Variants in DOCK1 observed in about 807,000 individuals in gnomAD.
The protein encoded by DOCK1 is dedicator of cytokinesis protein 1.
A neutral mutation model predicts 262.7 loss-of-function variants in DOCK1; 138 were observed. The ratio of observed to expected loss-of-function variants is 0.53; its 90% CI spans 0.46 to 0.61. The LOEUF (loss-of-function observed/expected upper bound fraction) is 0.61, where lower values mean the gene tolerates loss of function less well. DOCK1 is among the 20% of genes least tolerant of loss of function. The pLI, the probability that DOCK1 is intolerant of heterozygous loss-of-function variation, is 0.00. For missense variants in DOCK1, 1,908 were observed against 2,370.7 expected (o/e 0.80, Z 4.05); for synonymous variants, 866 against 867.4 (o/e 1.00, Z 0.03).
Position 127,288,882 on chromosome 10 carries a change from C to T in DOCK1, c.3044+31453C>T, listed in dbSNP as rs533111486. Reference sequence around the variant, plus strand: ...TTCTCCTTAGGATATATCCTGCAGACATACACAATCAAGTCATGTTTCTCA... The same window carrying T: ...TTCTCCTTAGGATATATCCTGCAGATATACACAATCAAGTCATGTTTCTCA... On this transcript the variant is annotated intron_variant, in intron 29 of 51. Transcript: ENST00000623213. Among the ~76,000 whole-genome samples, 158 of 151,970 alleles carry T rather than the reference C, an allele frequency of 1.0e-3. 1 individual carries two copies. Among genetic ancestry groups the T allele is most frequent in the African/African-American group, 3.6e-3 (151 of 41,478 alleles).
At chr10:127,384,295 C>T (rs534391825) in intron 37 of DOCK1, among the ~76,000 whole-genome samples, 1 of 152,342 alleles carries the variant, frequency 6.6e-6, no homozygotes, top group East Asian at 1.9e-4. Flanking sequence ...ACTCTGTGCC[C>T]AGCACCTTGC....
chr10:127,428,405 GATTGGGGTGCCGTGTGA>G (rs1376897080), intron 47 of DOCK1, among the ~76,000 whole-genome samples: 7 of 151,898 alleles, frequency 4.6e-5, no homozygotes, highest in Non-Finnish European at 7.4e-5. Flanking sequence ...GTGCTGTGTG[GATTGGGGTGCCGTGTGA>G]ATTGGGGTGC....
chr10:127,008,195 C>A (rs577344325), intron 10 of DOCK1, among the ~76,000 whole-genome samples: 1 of 152,102 alleles, frequency 6.6e-6, no homozygotes, highest in South Asian at 2.1e-4. Flanking sequence ...CCTCCTGGGC[C>A]CAAGCAAGTC....
chr10:127,152,938 T>C (rs1293349894), intron 27 of DOCK1, among the ~76,000 whole-genome samples: 1 of 152,202 alleles, frequency 6.6e-6, no homozygotes, highest in East Asian at 1.9e-4. Context: ...AGGCTTTCCC[T>C]TGGGAGAGAA....
intron 13 of DOCK1, among the ~76,000 whole-genome samples, chr10:127,021,704 G>C (rs1334116890): frequency 4.6e-5 from 7 of 152,160 alleles, no homozygotes; most frequent in African/African-American, 1.7e-4. Context: ...GGCGGCAGCC[G>C]CGCCTCCTTC....
chr10:127,012,434 G>A lies in DOCK1; in HGVS notation c.1201+60G>A. ...TATTTGCATGCGTTGGGGCAGTGCT[G>A]TCTGGGTTGGTTTTAGTTTGATGTT... On this transcript the variant is annotated intron_variant, in intron 12 of 51. Coordinates refer to ENST00000623213, the MANE Select transcript of DOCK1 (RefSeq NM_001290223.2). This position sits in a 1 kb window ranked among gnomAD's most constrained non-coding sequence, Gnocchi z 4.0. The A allele has an allele frequency of 2.0e-6, 3 of 1,527,960 alleles. No individual in the cohort carries two copies. The highest frequency in any genetic ancestry group is 2.7e-6 in the Non-Finnish European group (3 of 1,108,290). 94.7% of individuals were successfully genotyped at this position (1,527,960 alleles called of 1,614,324 possible).
chr10:127,315,630 C>T (rs1292921965), intron 29 of DOCK1, among the ~76,000 whole-genome samples: 5 of 152,312 alleles, frequency 3.3e-5, no homozygotes, highest in East Asian at 3.9e-4. Context: ...CGAACTAATA[C>T]GGAGTCCTAT....
At chr10:127,284,756 T>C (rs1324235018) in intron 29 of DOCK1, among the ~76,000 whole-genome samples, 1 of 151,696 alleles carries the variant, frequency 6.6e-6, no homozygotes, top group East Asian at 2.0e-4. Flanking sequence ...TGTCTCTAAA[T>C]AACAGTAATC....
At chr10:127,415,315 C>T (rs1351507892) in intron 44 of DOCK1, 77 bp downstream of exon 44, 8 of 1,441,624 alleles carry the variant, frequency 5.5e-6, no homozygotes, top group Non-Finnish European at 6.7e-6. Context: ...TTCACCTGCT[C>T]ATGCCCCGTG....
intron 29 of DOCK1, among the ~76,000 whole-genome samples, chr10:127,260,721 ATGTGTGTG>A (rs2060003105): frequency 1.0e-5 from 1 of 98,774 alleles, no homozygotes. Context: ...GTGTCCTTGC[ATGTGTGTG>A]CGTGTGGGTG....
At chr10:126,980,343 C>T (rs943634913) in intron 3 of DOCK1, among the ~76,000 whole-genome samples, 14 of 152,066 alleles carry the variant, frequency 9.2e-5, no homozygotes, top group Admixed American at 3.3e-4. Context: ...AGGTGCACAC[C>T]ACCATGCCTA....
intron 36 of DOCK1, among the ~76,000 whole-genome samples, chr10:127,381,073 A>G (rs113892350): frequency 4.6e-5 from 7 of 152,312 alleles, no homozygotes; most frequent in African/African-American, 1.7e-4. Context: ...GGAAAATTCT[A>G]CCTTTGTGTA....
At chr10:127,296,850 C>G (rs2061521570) in intron 29 of DOCK1, among the ~76,000 whole-genome samples, 1 of 152,144 alleles carries the variant, frequency 6.6e-6, no homozygotes, top group Non-Finnish European at 1.5e-5. Context: ...AGGAGAGCAG[C>G]CTGGAAATGC....
At chr10:126,949,774 G>A (rs2036027594) in intron 1 of DOCK1, among the ~76,000 whole-genome samples, 1 of 152,098 alleles carries the variant, frequency 6.6e-6, no homozygotes, top group South Asian at 2.1e-4. Context: ...GTATGATATT[G>A]GGTGATATTT....
chr10:127,291,214 T>C (rs1251996107), intron 29 of DOCK1, among the ~76,000 whole-genome samples: 1 of 152,196 alleles, frequency 6.6e-6, no homozygotes. Context: ...CGTGCTTAAG[T>C]GTCACGTGGA....
chr10:127,033,767 T>C (rs777005089), intron 18 of DOCK1, among the ~76,000 whole-genome samples: 3 of 152,190 alleles, frequency 2.0e-5, no homozygotes, highest in Admixed American at 1.3e-4. Flanking sequence ...TAGTGGAGCG[T>C]GCACTGAGTG....
At chr10:127,097,821 A>C (rs1280242059) in intron 23 of DOCK1, among the ~76,000 whole-genome samples, 2 of 152,226 alleles carry the variant, frequency 1.3e-5, no homozygotes, top group Non-Finnish European at 2.9e-5. Flanking sequence ...AAGAAAGCTA[A>C]AATCAGTGAC....
rs560651333 is a variant in DOCK1 at position 127,448,373 on chromosome 10, G to A, written c.5565+828G>A. Among the ~76,000 whole-genome samples the A allele has an allele frequency of 2.0e-5, 3 of 152,318 alleles. No individual in the cohort carries two copies. In the East Asian group the frequency reaches 5.8e-4, roughly 29 times the overall value. On this transcript the variant is annotated intron_variant, in intron 51 of 51. Transcript: ENST00000623213. ...AAGTCATGAAAAGCCATTTAAACAA[G>A]CACCTCAGTTACCAGTTGACAGTTC...
intron 1 of DOCK1, among the ~76,000 whole-genome samples, chr10:126,954,807 C>T (rs1236855763): frequency 6.6e-6 from 1 of 152,032 alleles, no homozygotes; most frequent in Non-Finnish European, 1.5e-5. Flanking sequence ...ATGTACATAC[C>T]ACGTTTTATC....
Sources: gnomAD v4.1 joint callset for allele counts (sites outside exome capture counted in the v4.1 genomes callset) on GRCh38, gnomAD v4.1.1 for gene constraint, Gnocchi (gnomAD v3.1) non-coding constraint, MANE v1.5 for transcripts, NCBI Gene and HGNC (gene_info 2026-07-23, HGNC 2026-07-21) for gene names.